CHD1L: variants seen among roughly 807,000 people sequenced by gnomAD.
The protein encoded by CHD1L is chromodomain helicase DNA binding protein 1 like, also known as ATP-dependent chromatin remodeler CHD1L.
Under a neutral mutation model 115.9 loss-of-function variants are expected in CHD1L, and 118 were observed. The observed-to-expected ratio is 1.02, with a 90% CI of 0.88 to 1.19. The LOEUF (loss-of-function observed/expected upper bound fraction) is 1.19, where lower values mean the gene tolerates loss of function less well. CHD1L is among the 50% of genes most tolerant of loss of function. CHD1L has a pLI of 0.00. For missense variants in CHD1L, 1,179 were observed against 1,065.3 expected (o/e 1.11, Z -1.49); for synonymous variants, 411 against 387.1 (o/e 1.06, Z -0.72).
intron 11 of CHD1L, among the ~76,000 whole-genome samples, chr1:147,271,799 A>G (rs1676341570): frequency 6.6e-6 from 1 of 152,146 alleles, no homozygotes; most frequent in Non-Finnish European, 1.5e-5. Context: ...GAAGGGGCTC[A>G]CTCACCTGCC....
At chr1:147,181,157 A>G in the CHD1L span, among the ~76,000 whole-genome samples, 1 of 152,212 alleles carries the variant, frequency 6.6e-6, no homozygotes, top group Non-Finnish European at 1.5e-5. Flanking sequence ...TTATGTAGCT[A>G]TTGCCCCCTC....
chr1:147,284,470 G>A lies in CHD1L; in HGVS notation c.1825G>A (p.Glu609Lys), dbSNP rs201105160. The A allele has an allele frequency of 2.5e-5, 40 of 1,610,048 alleles. No individual in the cohort carries two copies. Among genetic ancestry groups the A allele is most frequent in the Admixed American group, 1.5e-4 (9 of 59,052 alleles). The change falls in exon 16 of 23, where the codon GAG (glutamate) becomes AAG (lysine). Residue 609 changes from glutamate to lysine, a missense_variant. Transcript: ENST00000369258. Reference sequence around the variant, plus strand: ...AACCCTTTTGGAGAAAGCTAGTCAAGAGGGCCGATCACTCCGAAATAAAGG... The same window carrying A: ...AACCCTTTTGGAGAAAGCTAGTCAAAAGGGCCGATCACTCCGAAATAAAGG... ...QKTLLEKASQ[E>K]GRSLRNKGSV...
At chr1:147,202,365 G>C in the CHD1L span, among the ~76,000 whole-genome samples, 1 of 125,216 alleles carries the variant, frequency 8.0e-6, no homozygotes, top group Admixed American at 1.0e-4. Flanking sequence ...TTTTGCCGAA[G>C]CTGGAGTGCA....
the CHD1L span, among the ~76,000 whole-genome samples, chr1:147,220,409 T>C: frequency 7.2e-3 from 1,090 of 152,250 alleles, 16 homozygotes; most frequent in African/African-American, 0.025. Flanking sequence ...TCAATCAACA[T>C]CCCAGCAAGC....
At chr1:147,212,957 C>T in the CHD1L span, among the ~76,000 whole-genome samples, 16 of 152,028 alleles carry the variant, frequency 1.1e-4, no homozygotes, top group Admixed American at 2.6e-4. Flanking sequence ...ATTCTTCAAG[C>T]TTTCATTCCT....
At chr1:147,247,885 T>C (rs1559725347) in intron 1 of CHD1L, among the ~76,000 whole-genome samples, 1 of 152,306 alleles carries the variant, frequency 6.6e-6, no homozygotes, top group East Asian at 1.9e-4. Flanking sequence ...GCCAGCTTCC[T>C]CTCTAACCAC....
At chr1:147,190,705 T>C in the CHD1L span, among the ~76,000 whole-genome samples, 1 of 152,112 alleles carries the variant, frequency 6.6e-6, no homozygotes, top group Non-Finnish European at 1.5e-5. Context: ...TATTATACCT[T>C]AAGTTTTAGG....
At chr1:147,291,065 A>T (rs1465560738) in intron 19 of CHD1L, among the ~76,000 whole-genome samples, 3 of 152,188 alleles carry the variant, frequency 2.0e-5, no homozygotes, top group Non-Finnish European at 4.4e-5. Flanking sequence ...TATCAGTTTT[A>T]CTTGATTTGG....
rs1553949428 is a variant in CHD1L, at chr1:147,267,524, A to AC, written c.988+7dup. 5.0e-6 allele frequency: 8 copies of AC among 1,604,482 alleles called. No homozygotes were observed. The highest frequency in any genetic ancestry group is 1.7e-5 in the Admixed American group (1 of 59,288). ...TCACCCATATTTGTTTGATGGTGAG[A>AC]CAGTGCCTTTTCCCCCCACATTATT... On this transcript the variant is annotated splice_region_variant and intron_variant, in intron 9 of 22. Coordinates refer to ENST00000369258, the MANE Select transcript of CHD1L (RefSeq NM_004284.6).
chr1:147,173,399 T>G, the CHD1L span: 1 of 152,286 alleles, frequency 6.6e-6, no homozygotes, highest in African/African-American at 2.4e-5. Context: ...ATGGCGTGTT[T>G]AGGAGCTCTA....
At position 147,280,107 on chromosome 1, in the gene CHD1L, A is replaced by C; in HGVS notation, c.1621A>C (p.Ile541Leu). ...STMDEIDLESILGETKDGQWV... is the reference protein window; with the variant it reads ...STMDEIDLESLLGETKDGQWV... ...CATGGATGAAATAGACCTGGAGTCC[A>C]TCCTGGGAGAAACAAAAGATGGCCA... The change falls in exon 15 of 23, where the codon ATC becomes CTC. Residue 541 changes from isoleucine (I) to leucine (L), a missense_variant. Coordinates refer to ENST00000369258, the MANE Select transcript of CHD1L (RefSeq NM_004284.6). 6.2e-7 allele frequency: 1 copy of C among 1,613,982 alleles called. No homozygotes were observed. The highest frequency in any genetic ancestry group is 1.1e-5 in the South Asian group (1 of 91,026).
chr1:147,255,655 A>AT (rs1384752420), intron 3 of CHD1L, among the ~76,000 whole-genome samples, 158 bp from the exon 4 acceptor site: 3 of 152,110 alleles, frequency 2.0e-5, no homozygotes, highest in Non-Finnish European at 4.4e-5. Context: ...AGGTTCAACC[A>AT]TTTTTTTAGA....
chr1:147,178,593 C>T, the CHD1L span: 4 of 1,603,888 alleles, frequency 2.5e-6, no homozygotes, highest in Non-Finnish European at 3.4e-6. Flanking sequence ...TAGGTTTTTT[C>T]GATGATTCAT....
the CHD1L span, among the ~76,000 whole-genome samples, chr1:147,196,919 A>G: frequency 1.3e-5 from 2 of 152,112 alleles, no homozygotes; most frequent in Admixed American, 1.3e-4. Flanking sequence ...ACCTTGGTTT[A>G]AAGCTCTCAT....
the CHD1L span, among the ~76,000 whole-genome samples, chr1:147,206,097 G>A: frequency 1.3e-5 from 2 of 150,818 alleles, no homozygotes; most frequent in South Asian, 2.1e-4. Context: ...CCATCAAAAA[G>A]TGGGTGAAGG....
chr1:147,190,881 T>A, the CHD1L span, among the ~76,000 whole-genome samples: 3 of 151,926 alleles, frequency 2.0e-5, no homozygotes, highest in Non-Finnish European at 4.4e-5. Context: ...CCCCTTCCTG[T>A]GTCCATCTGT....
chr1:147,280,014 C>T lies in CHD1L; in HGVS notation c.1540-12C>T. The T allele has an allele frequency of 1.2e-6, 2 of 1,613,142 alleles. No individual in the cohort carries two copies. The highest frequency in any genetic ancestry group is 8.5e-7 in the Non-Finnish European group (1 of 1,179,810). On this transcript the variant is annotated splice_polypyrimidine_tract_variant and intron_variant, in intron 14 of 22. Transcript: ENST00000369258. ...GAGAATTTGCTGGACTTTTTTGTTTCCTCTATTCAAGTTGAGTGAGATACT... is the reference window on the plus strand; with the variant it reads ...GAGAATTTGCTGGACTTTTTTGTTTTCTCTATTCAAGTTGAGTGAGATACT...
At chr1:147,237,719 A>C (rs1292900961), upstream of CHD1L, among the ~76,000 whole-genome samples, 1 of 152,204 alleles carries the variant, frequency 6.6e-6, no homozygotes, top group African/African-American at 2.4e-5. Flanking sequence ...CAAACTCAAA[A>C]GCCTTCAGGG....
Position 147,295,745 on chromosome 1 carries a change from T to C in CHD1L, c.*236T>C. 2.0e-6 allele frequency: 1 copy of C among 510,658 alleles called. No homozygotes were observed. Among genetic ancestry groups the C allele is most frequent in the South Asian group, 3.0e-5 (1 of 32,954 alleles). 31.6% of individuals were successfully genotyped at this position (510,658 alleles called of 1,614,324 possible). A position where few individuals can be genotyped will look rare whatever the true frequency, so the allele number is the denominator to read the frequency against. ...CCCCAGCTTGCTAGTTGCATAATAATAAATTTTCTGTTCCTAATGGTTTTA... is the reference window on the plus strand; with the variant it reads ...CCCCAGCTTGCTAGTTGCATAATAACAAATTTTCTGTTCCTAATGGTTTTA... On this transcript the variant is annotated 3_prime_UTR_variant, in exon 23 of 23. Transcript: ENST00000369258.
Sources: allele counts gnomAD v4.1 joint callset (sites outside exome capture counted in the v4.1 genomes callset), GRCh38; gene constraint gnomAD v4.1.1; transcripts MANE v1.5; gene names NCBI Gene and HGNC (gene_info 2026-07-23, HGNC 2026-07-21).